Variants in DIAPH2 observed in about 807,000 individuals in gnomAD.
DIAPH2 encodes the protein diaphanous related formin 2.
In DIAPH2, 35 loss-of-function variants were observed where a neutral mutation model predicts 92.7. That is an observed-to-expected ratio of 0.38 (90% CI 0.29 to 0.50). DIAPH2 has a LOEUF of 0.50. Among genes scored for constraint, DIAPH2 ranks in the 20% least tolerant of loss-of-function variants. The pLI, the probability that DIAPH2 is intolerant of heterozygous loss-of-function variation, is 0.94. For missense variants in DIAPH2, 701 were observed against 819.5 expected, an observed-to-expected ratio of 0.86 and a Z score of 1.77; for synonymous variants, 301 against 280.4, an observed-to-expected ratio of 1.07 and a Z score of -0.73.
At position 97,455,840 on chromosome X, in the gene DIAPH2, A is replaced by G. The variant is rs780537012; in HGVS notation, c.3241+26095A>G. 1.9e-3 allele frequency among the ~76,000 whole-genome samples: 216 copies of G among 112,074 alleles called. 1 individual carries two copies. Among genetic ancestry groups the G allele is most frequent in the African/African-American group, 6.7e-3 (208 of 30,874 alleles). On this transcript the variant is annotated intron_variant, in intron 26 of 26. Coordinates refer to ENST00000324765, the MANE Select transcript of DIAPH2 (RefSeq NM_006729.5). ...CCTTGTTCATTGTTTACTGAATCAT[A>G]TGCCTCTGCTATTCTTCCAGATTTT...
chrX:97,053,511 G>T (rs1260763506), intron 17 of DIAPH2, among the ~76,000 whole-genome samples: 4 of 110,645 alleles, frequency 3.6e-5, no homozygotes, highest in African/African-American at 1.3e-4. Flanking sequence ...ATGAGATATT[G>T]GTACTAGAAT....
intron 2 of DIAPH2, among the ~76,000 whole-genome samples, 161 bp from the exon 3 acceptor site, chrX:96,738,414 GGTTTCAAAATA>G (rs1482582785): frequency 1.8e-5 from 2 of 111,172 alleles, no homozygotes; most frequent in Non-Finnish European, 3.8e-5. Flanking sequence ...AGTACTTCAA[GGTTTCAAAATA>G]GTACAATCTC....
intron 22 of DIAPH2, among the ~76,000 whole-genome samples, chrX:97,181,433 C>A (rs1308987549): frequency 9.0e-6 from 1 of 110,760 alleles, no homozygotes; most frequent in African/African-American, 3.3e-5. Context: ...TTCTTTGAGA[C>A]GGAGTTTTGC....
At chrX:97,515,285 C>G (rs192870817) in intron 26 of DIAPH2, among the ~76,000 whole-genome samples, 2 of 112,294 alleles carry the variant, frequency 1.8e-5, no homozygotes, top group African/African-American at 6.5e-5. Context: ...AGGTGCCGTC[C>G]GTCACCCCTT....
At chrX:96,966,495 C>A (rs1383177956) in intron 17 of DIAPH2, among the ~76,000 whole-genome samples, 2 of 112,254 alleles carry the variant, frequency 1.8e-5, no homozygotes, top group Non-Finnish European at 3.8e-5. Flanking sequence ...TTCACATTTT[C>A]TCCTAGAAAT....
rs111439947 is a variant in DIAPH2, at chrX:97,198,844, C to T, written c.2720-48871C>T. On this transcript the variant is annotated intron_variant, in intron 22 of 26. Coordinates refer to ENST00000324765, the MANE Select transcript of DIAPH2 (RefSeq NM_006729.5). Reference sequence around the variant, plus strand: ...AGCACATTCATTTGATATTTTCATCCCTGTCAGCTCACAAATCCCCTCATA... The same window carrying T: ...AGCACATTCATTTGATATTTTCATCTCTGTCAGCTCACAAATCCCCTCATA... Among the ~76,000 whole-genome samples the T allele has an allele frequency of 7.6e-3, 843 of 111,276 alleles. 10 individuals carry two copies. Among genetic ancestry groups the T allele is most frequent in the African/African-American group, 0.026 (791 of 30,649 alleles).
chrX:96,917,480 G>C (rs1422594514), intron 8 of DIAPH2, among the ~76,000 whole-genome samples: 2 of 111,462 alleles, frequency 1.8e-5, no homozygotes, highest in South Asian at 3.7e-4. Flanking sequence ...GATAACATAT[G>C]TAAAAGCAAG....
chrX:97,252,807 AG>A (rs1239123772), intron 23 of DIAPH2, among the ~76,000 whole-genome samples: 1 of 110,758 alleles, frequency 9.0e-6, no homozygotes, highest in Non-Finnish European at 1.9e-5. Flanking sequence ...ATTAGGCTGG[AG>A]GGGGGAAGTT....
At chrX:96,690,854 C>T (rs1426440051) in intron 1 of DIAPH2, among the ~76,000 whole-genome samples, 1 of 112,206 alleles carries the variant, frequency 8.9e-6, no homozygotes, top group Non-Finnish European at 1.9e-5. Context: ...AATAAAGAAA[C>T]TGAGTCACTG....
chrX:96,718,336 GTTTTTTTTTTTTTTTTTTTTTTTTTT>G (rs962776012), intron 1 of DIAPH2, among the ~76,000 whole-genome samples: 2 of 10,987 alleles, frequency 1.8e-4, no homozygotes, highest in African/African-American at 4.6e-4. Context: ...CATTTTCTTT[GTTTTTTTTTTTTTTTTTTTTTTTTTT>G]TTTTTTTTTT....
At chrX:97,493,328 C>T (rs1390516061) in intron 26 of DIAPH2, among the ~76,000 whole-genome samples, 1 of 111,301 alleles carries the variant, frequency 9.0e-6, no homozygotes, top group Non-Finnish European at 1.9e-5. Context: ...ATGGCACAAT[C>T]TCGGCTCACT....
intron 21 of DIAPH2, among the ~76,000 whole-genome samples, chrX:97,122,354 G>A (rs995479408): frequency 1.8e-5 from 2 of 111,455 alleles, no homozygotes; most frequent in Admixed American, 1.9e-4. Flanking sequence ...AATAATTGTG[G>A]AGCTATCCCT....
At chrX:96,910,601 T>G (rs949341551) in intron 5 of DIAPH2, among the ~76,000 whole-genome samples, 7 of 111,146 alleles carry the variant, frequency 6.3e-5, no homozygotes, top group African/African-American at 2.3e-4. Flanking sequence ...TGATTTATGT[T>G]TATGATGTTC....
intron 3 of DIAPH2, among the ~76,000 whole-genome samples, chrX:96,743,712 A>T (rs1363643097): frequency 9.0e-6 from 1 of 111,518 alleles, no homozygotes; most frequent in Non-Finnish European, 1.9e-5. Flanking sequence ...GGAGAGGGGT[A>T]GGTTGAGGAG....
At chrX:97,084,511 T>A (rs765824221) in intron 19 of DIAPH2, among the ~76,000 whole-genome samples, 1 of 111,512 alleles carries the variant, frequency 9.0e-6, no homozygotes, top group Admixed American at 9.6e-5. Flanking sequence ...CTGGGGCTTC[T>A]TCCTTTCTCT....
intron 23 of DIAPH2, among the ~76,000 whole-genome samples, chrX:97,326,341 C>G (rs1484835913): frequency 8.9e-6 from 1 of 111,786 alleles, no homozygotes; most frequent in East Asian, 2.8e-4. Context: ...TGTTTGGGAA[C>G]ATGTACAAGG....
In DIAPH2 at chrX:96,758,047, C is replaced by G. The variant is rs777046375; in HGVS notation, c.343-107C>G. The G allele has an allele frequency of 5.9e-6, 4 of 680,685 alleles. No individual in the cohort carries two copies. The South Asian group carries it at 1.7e-4, about 29-fold the overall frequency. The allele number at this position is 680,685 out of a possible 1,213,427, so 56.1% of individuals were successfully genotyped here. On this transcript the variant is annotated intron_variant, in intron 3 of 26. Transcript: ENST00000324765. ...AAAGGATTTTTGACATTAGTCACCA[C>G]ATGAATTAGTATTTTAAGACATAGA... is the stretch of plus-strand genomic sequence containing the variant.
At chrX:96,824,997 G>A (rs2064804015) in intron 4 of DIAPH2, among the ~76,000 whole-genome samples, 1 of 106,172 alleles carries the variant, frequency 9.4e-6, no homozygotes, top group Non-Finnish European at 1.9e-5. Context: ...TGAGGCTGGA[G>A]TGCATTGGCG....
chrX:97,517,707 A>G (rs1481402120), intron 26 of DIAPH2, among the ~76,000 whole-genome samples: 1 of 112,576 alleles, frequency 8.9e-6, no homozygotes, highest in Non-Finnish European at 1.9e-5. Flanking sequence ...TTTCTGAGAA[A>G]CCAATAGCTT....
Sources: allele counts gnomAD v4.1 joint callset (sites outside exome capture counted in the v4.1 genomes callset), GRCh38; gene constraint gnomAD v4.1.1; transcripts MANE v1.5; gene names NCBI Gene and HGNC (gene_info 2026-07-23, HGNC 2026-07-21).